PPHLN1: variants seen among roughly 807,000 people sequenced by gnomAD.
PPHLN1 encodes the protein periphilin 1, also known as periphilin-1.
A neutral mutation model predicts 51.3 loss-of-function variants in PPHLN1; 29 were observed. That is an observed-to-expected ratio of 0.57 (90% CI 0.42 to 0.77). PPHLN1 has a LOEUF of 0.77. Among genes scored for constraint, PPHLN1 ranks in the 30% least tolerant of loss-of-function variants. PPHLN1 has a pLI of 0.00. For synonymous variants in PPHLN1, 147 were observed against 147.8 expected, an observed-to-expected ratio of 0.99 and a Z score of 0.04; for missense variants, 436 against 438.4, an observed-to-expected ratio of 0.99 and a Z score of 0.05.
At position 42,366,387 on chromosome 12, in the gene PPHLN1, C is replaced by G. The variant is rs181521230; in HGVS notation, c.300-8476C>G. 3.4e-3 allele frequency among the ~76,000 whole-genome samples: 518 copies of G among 152,110 alleles called. 6 individuals carry two copies. Among genetic ancestry groups the G allele is most frequent in the South Asian group, 9.8e-3 (47 of 4,812 alleles). ...GGATTACAGGCGTACGCCACCATGC[C>G]TGGCTAATTTTTGTATTTTTAGTAG... On this transcript the variant is annotated intron_variant, in intron 4 of 9. Coordinates refer to ENST00000358314, the MANE Select transcript of PPHLN1 (RefSeq NM_201439.2).
intron 2 of PPHLN1, among the ~76,000 whole-genome samples, chr12:42,343,305 T>C (rs2071767055): frequency 6.6e-6 from 1 of 152,232 alleles, no homozygotes; most frequent in Non-Finnish European, 1.5e-5. Context: ...TTTTATACAG[T>C]CATCAGTGTT....
At chr12:42,392,081 G>T (rs1213076991) in intron 7 of PPHLN1, among the ~76,000 whole-genome samples, 1 of 152,138 alleles carries the variant, frequency 6.6e-6, no homozygotes, top group Non-Finnish European at 1.5e-5. Flanking sequence ...CCCGGTTATG[G>T]TGTGCGCATT....
chr12:42,353,239 A>G (rs1395713980), intron 3 of PPHLN1, among the ~76,000 whole-genome samples: 2 of 152,168 alleles, frequency 1.3e-5, no homozygotes, highest in East Asian at 1.9e-4. Context: ...CCTACCTTGC[A>G]TGTTTTCAGT....
rs73273932 is a variant in PPHLN1, at chr12:42,441,280, A to G, written c.910-35A>G. ...GCTAAGTATTTGGCTAGTTATTTTC[A>G]TTCTCAGCTAACCAGAATGTGTTTT... On this transcript the variant is annotated intron_variant, in intron 9 of 9. Coordinates refer to ENST00000358314, the MANE Select transcript of PPHLN1 (RefSeq NM_201439.2). The G allele has an allele frequency of 6.3e-3, 9,847 of 1,555,004 alleles. 565 individuals are homozygous for G. The African/African-American group carries it at 0.12, about 19-fold the overall frequency.
intron 1 of PPHLN1, chr12:42,332,716 A>G (rs748118172): frequency 1.1e-5 from 16 of 1,441,090 alleles, no homozygotes; most frequent in Non-Finnish European, 1.4e-5. Flanking sequence ...AGTATAGTAT[A>G]GTAGTATTTA....
intron 2 of PPHLN1, among the ~76,000 whole-genome samples, chr12:42,350,632 G>T (rs1239465861): frequency 1.3e-5 from 2 of 152,212 alleles, no homozygotes; most frequent in African/African-American, 4.8e-5. Context: ...GGTGGAGGTT[G>T]TAGCGAGCGG....
intron 3 of PPHLN1, among the ~76,000 whole-genome samples, chr12:42,352,582 G>A (rs565413554): frequency 6.6e-6 from 1 of 151,568 alleles, no homozygotes; most frequent in Non-Finnish European, 1.5e-5. Context: ...GCTAATTTTT[G>A]TGTTTTCAGT....
chr12:42,446,355 A>G (rs2083323688), downstream of PPHLN1: 13 of 1,507,754 alleles, frequency 8.6e-6, no homozygotes, highest in Non-Finnish European at 1.1e-5. Flanking sequence ...TATTAAGCCC[A>G]TTTTCTAAAT....
At chr12:42,398,626 A>G (rs186170447) in intron 8 of PPHLN1, 1 of 353,980 alleles carries the variant, frequency 2.8e-6, no homozygotes, top group East Asian at 4.4e-5. Flanking sequence ...GATGGCACGC[A>G]AATTCATGAA....
At chr12:42,403,988 T>C (rs1819678621) in intron 9 of PPHLN1, among the ~76,000 whole-genome samples, 3 of 152,146 alleles carry the variant, frequency 2.0e-5, no homozygotes, top group Admixed American at 2.0e-4. Flanking sequence ...AATGGCATGG[T>C]ATAATGAACA....
intron 6 of PPHLN1, 122 bp from the exon 7 acceptor site, chr12:42,387,334 T>G (rs1440518720): frequency 1.0e-6 from 1 of 1,000,648 alleles, no homozygotes; most frequent in Non-Finnish European, 1.4e-6. Context: ...AATGTAATAA[T>G]GTAATGAAAA....
chr12:42,445,983 G>T (rs962567659), downstream of PPHLN1: 1 of 1,506,220 alleles, frequency 6.6e-7, no homozygotes, highest in Non-Finnish European at 8.9e-7. Flanking sequence ...GCCCTCTTTG[G>T]ATTCCAGCAC....
intron 3 of PPHLN1, among the ~76,000 whole-genome samples, chr12:42,354,485 C>G (rs371691393): frequency 1.3e-5 from 2 of 152,180 alleles, no homozygotes; most frequent in African/African-American, 2.4e-5. Context: ...GCTGGAATTA[C>G]AGGCGTGAGC....
At chr12:42,416,659 G>A (rs1412692988) in intron 9 of PPHLN1, among the ~76,000 whole-genome samples, 1 of 152,212 alleles carries the variant, frequency 6.6e-6, no homozygotes, top group African/African-American at 2.4e-5. Context: ...GAAGTGTTCT[G>A]TTTCAACCTT....
intron 5 of PPHLN1, among the ~76,000 whole-genome samples, chr12:42,383,309 A>G (rs1032319871): frequency 6.6e-6 from 1 of 152,202 alleles, no homozygotes; most frequent in Admixed American, 6.5e-5. Context: ...ACTGAACACA[A>G]AGTTTCAAAG....
At chr12:42,342,548 G>A (rs1455245762) in intron 2 of PPHLN1, among the ~76,000 whole-genome samples, 3 of 152,180 alleles carry the variant, frequency 2.0e-5, no homozygotes, top group Non-Finnish European at 4.4e-5. Flanking sequence ...TTTTTCATTA[G>A]CTTATTTGAA....
At chr12:42,431,575 A>ACTGG in intron 9 of PPHLN1, 2 of 628,970 alleles carry the variant, frequency 3.2e-6, no homozygotes, top group South Asian at 3.8e-5. Context: ...CGATGCAAAG[A>ACTGG]CTGGCGATCC....
chr12:42,441,376 C>T lies in PPHLN1; in HGVS notation c.971C>T (p.Pro324Leu), dbSNP rs1243929565. 1 of 1,613,718 alleles carries T rather than the reference C, an allele frequency of 6.2e-7. No homozygotes were observed. Among genetic ancestry groups the T allele is most frequent in the South Asian group, 1.1e-5 (1 of 90,986 alleles). The change falls in exon 10 of 10, where the codon CCT becomes CTT. Residue 324 changes from proline (P) to leucine (L), a missense_variant. Pro to Leu is a moderately conservative substitution (Grantham distance 98). Coordinates refer to ENST00000358314, the MANE Select transcript of PPHLN1 (RefSeq NM_201439.2). Reference protein sequence around the residue: ...MVVKMLIEKDPSLEKSIQFAL... With the variant: ...MVVKMLIEKDLSLEKSIQFAL... ...GTGAAAATGCTGATTGAAAAAGATCCTTCATTAGAAAAGTCTATACAGTTT... is the reference window on the plus strand; with the variant it reads ...GTGAAAATGCTGATTGAAAAAGATCTTTCATTAGAAAAGTCTATACAGTTT...
chr12:42,377,372 T>G (rs983412392), intron 5 of PPHLN1, among the ~76,000 whole-genome samples: 2 of 149,890 alleles, frequency 1.3e-5, no homozygotes, highest in Admixed American at 1.3e-4. Flanking sequence ...AGTGGTGTGA[T>G]CTCAACTCAC....
Sources: gnomAD v4.1 joint callset for allele counts (sites outside exome capture counted in the v4.1 genomes callset) on GRCh38, gnomAD v4.1.1 for gene constraint, MANE v1.5 for transcripts, NCBI Gene and HGNC (gene_info 2026-07-23, HGNC 2026-07-21) for gene names.